Variants in LY96 observed in about 807,000 individuals in gnomAD.
LY96 encodes the protein myeloid differentiation protein-2.
In LY96, 18 loss-of-function variants were observed where a neutral mutation model predicts 18.9. That is an observed-to-expected ratio of 0.95 (90% CI 0.66 to 1.41). The LOEUF is 1.41. LY96 is among the 40% of genes most tolerant of loss of function. The probability of loss-of-function intolerance (pLI) is 0.00; values close to 1 mark genes in which losing one functional copy is unlikely to be tolerated. For synonymous variants in LY96, 66 were observed against 62.6 expected (o/e 1.06, Z -0.26); for missense variants, 175 against 182.4 (o/e 0.96, Z 0.23).
At chr8:73,995,770 A>G (rs948310204) in intron 1 of LY96, among the ~76,000 whole-genome samples, 7 of 152,120 alleles carry the variant, frequency 4.6e-5, no homozygotes, top group African/African-American at 1.7e-4. Flanking sequence ...CAAGGAATTA[A>G]TAGATTATTT....
the LY96 span, among the ~76,000 whole-genome samples, chr8:74,047,254 C>T: frequency 2.0e-4 from 31 of 152,230 alleles, no homozygotes; most frequent in African/African-American, 6.3e-4. Flanking sequence ...TGAAAGAGCC[C>T]GTTTTCTGCA....
intron 1 of LY96, among the ~76,000 whole-genome samples, chr8:74,001,118 G>T (rs1028901391): frequency 3.3e-5 from 5 of 151,754 alleles, no homozygotes; most frequent in African/African-American, 7.3e-5. Context: ...ATGACAGTCT[G>T]TTTTAAGCTA....
the LY96 span, among the ~76,000 whole-genome samples, chr8:74,063,908 C>A: frequency 6.6e-6 from 1 of 152,048 alleles, no homozygotes; most frequent in Non-Finnish European, 1.5e-5. Flanking sequence ...TAAATATTGG[C>A]AGTTTAGTTT....
the LY96 span, among the ~76,000 whole-genome samples, chr8:74,097,304 G>C: frequency 6.6e-6 from 1 of 152,152 alleles, no homozygotes; most frequent in Non-Finnish European, 1.5e-5. Flanking sequence ...TGTGCTCTTA[G>C]ACAATTCACT....
chr8:74,054,877 C>A, the LY96 span, among the ~76,000 whole-genome samples: 1 of 151,204 alleles, frequency 6.6e-6, no homozygotes, highest in Non-Finnish European at 1.5e-5. Flanking sequence ...GTCTCTAAAC[C>A]TGGGACTATA....
chr8:74,041,356 T>C, the LY96 span, among the ~76,000 whole-genome samples: 4 of 152,190 alleles, frequency 2.6e-5, no homozygotes, highest in Admixed American at 2.0e-4. Context: ...AAAACATGTG[T>C]GTTTGAACAA....
the LY96 span, among the ~76,000 whole-genome samples, chr8:74,036,527 A>G: frequency 2.0e-5 from 3 of 152,178 alleles, no homozygotes; most frequent in African/African-American, 7.2e-5. Flanking sequence ...TCATTACTCA[A>G]CTGGTCCTGT....
At chr8:74,059,480 A>C in the LY96 span, among the ~76,000 whole-genome samples, 1 of 152,220 alleles carries the variant, frequency 6.6e-6, no homozygotes, top group African/African-American at 2.4e-5. Flanking sequence ...ATAAAACTGT[A>C]CTACTGACAC....
the LY96 span, among the ~76,000 whole-genome samples, chr8:74,084,894 C>T: frequency 1.2e-4 from 19 of 152,314 alleles, no homozygotes; most frequent in East Asian, 9.6e-4. Flanking sequence ...GGATTACAGG[C>T]GTGAGCCACC....
chr8:74,068,079 A>ATATATATAT, the LY96 span, among the ~76,000 whole-genome samples: 4 of 97,224 alleles, frequency 4.1e-5, no homozygotes, highest in African/African-American at 2.6e-4. Flanking sequence ...AAAAAAAAAA[A>ATATATATAT]AAAAAAAAAA....
the LY96 span, among the ~76,000 whole-genome samples, chr8:74,049,925 G>A: frequency 6.6e-6 from 1 of 152,212 alleles, no homozygotes; most frequent in East Asian, 1.9e-4. Context: ...GGCTGAGGCA[G>A]GAGGGTGGCT....
chr8:73,998,864 T>C (rs1252545123), intron 1 of LY96, among the ~76,000 whole-genome samples: 1 of 152,260 alleles, frequency 6.6e-6, no homozygotes. Flanking sequence ...TTTATTTTAT[T>C]GTTTTTACTA....
intron 4 of LY96, among the ~76,000 whole-genome samples, chr8:74,028,031 A>C (rs1322346752): frequency 1.3e-5 from 2 of 152,196 alleles, no homozygotes; most frequent in Non-Finnish European, 2.9e-5. Flanking sequence ...AGAATTTCTT[A>C]GTTATTTTGT....
the LY96 span, among the ~76,000 whole-genome samples, chr8:74,058,683 C>T: frequency 3.3e-5 from 5 of 152,180 alleles, no homozygotes; most frequent in East Asian, 7.7e-4. Flanking sequence ...TGACGCTGGG[C>T]TAATTCTTGT....
the LY96 span, among the ~76,000 whole-genome samples, chr8:74,094,868 T>C: frequency 1.3e-5 from 2 of 152,260 alleles, no homozygotes; most frequent in Admixed American, 6.5e-5. Flanking sequence ...TATCATCTCT[T>C]ATGCATTCAC....
downstream of LY96, chr8:74,029,199 G>A: frequency 1.7e-6 from 1 of 595,160 alleles, no homozygotes; most frequent in South Asian, 2.1e-5. Context: ...CAGATCTCTA[G>A]GAAACGGAGG....
chr8:74,093,941 T>C, the LY96 span, among the ~76,000 whole-genome samples: 10 of 152,224 alleles, frequency 6.6e-5, no homozygotes, highest in Non-Finnish European at 1.2e-4. Flanking sequence ...TCTATAGGCA[T>C]GGAGAAGAGG....
At chr8:74,021,936 G>C (rs1298724756) in intron 3 of LY96, among the ~76,000 whole-genome samples, 1 of 152,028 alleles carries the variant, frequency 6.6e-6, no homozygotes, top group Non-Finnish European at 1.5e-5. Context: ...TGGGGGGCTG[G>C]GGGAGGGATA....
downstream of LY96, among the ~76,000 whole-genome samples, chr8:74,031,634 CA>C (rs59273111): frequency 0.35 from 36,398 of 103,548 alleles, 4,686 homozygotes; most frequent in African/African-American, 0.44. Flanking sequence ...GACTCTGTCT[CA>C]AAAAAAAAAA....
Sources: allele counts gnomAD v4.1 joint callset (sites outside exome capture counted in the v4.1 genomes callset), GRCh38; gene constraint gnomAD v4.1.1; transcripts MANE v1.5; gene names NCBI Gene and HGNC (gene_info 2026-07-23, HGNC 2026-07-21).